The following LRRC8B variants were observed in gnomAD, a reference collection of about 807,000 sequenced individuals.
The protein encoded by LRRC8B is volume-regulated anion channel subunit LRRC8B.
Under a neutral mutation model 58.8 loss-of-function variants are expected in LRRC8B, and 23 were observed. The ratio of observed to expected loss-of-function variants is 0.39; its 90% CI spans 0.28 to 0.55. LRRC8B has a LOEUF of 0.55. LRRC8B is among the 20% of genes least tolerant of loss of function. The probability of loss-of-function intolerance (pLI) is 0.62; values close to 1 mark genes in which losing one functional copy is unlikely to be tolerated. For missense variants in LRRC8B, 694 were observed against 936.0 expected (o/e 0.74, Z 3.37); for synonymous variants, 359 against 374.1 (o/e 0.96, Z 0.47).
At chr1:89,545,836 G>A (rs1245583754) in intron 1 of LRRC8B, among the ~76,000 whole-genome samples, 1 of 152,212 alleles carries the variant, frequency 6.6e-6, no homozygotes, top group Non-Finnish European at 1.5e-5. Context: ...ATAAGATATG[G>A]AAAGTTGAAG....
At chr1:89,581,214 G>A (rs1654199851) in intron 4 of LRRC8B, among the ~76,000 whole-genome samples, 1 of 132,196 alleles carries the variant, frequency 7.6e-6, no homozygotes, top group Non-Finnish European at 1.6e-5. Flanking sequence ...CGGGAGGATT[G>A]TTTGGACCCA....
chr1:89,546,443 A>G (rs1039436672), intron 1 of LRRC8B, among the ~76,000 whole-genome samples: 2 of 152,204 alleles, frequency 1.3e-5, no homozygotes, highest in African/African-American at 2.4e-5. Flanking sequence ...CCAAGTTTCA[A>G]TGGTGGGATA....
intron 5 of LRRC8B, among the ~76,000 whole-genome samples, chr1:89,585,849 C>G (rs1243844734): frequency 6.6e-6 from 1 of 152,032 alleles, no homozygotes. Context: ...AATGTATTAT[C>G]TTTTAGACTT....
chr1:89,559,056 G>GAGGAAAC (rs1188654623), intron 1 of LRRC8B: 2 of 152,142 alleles, frequency 1.3e-5, no homozygotes, highest in Non-Finnish European at 2.9e-5. Flanking sequence ...CTAGGTGTGG[G>GAGGAAAC]AGGAAACGGT....
chr1:89,561,989 G>A (rs1055500007), intron 1 of LRRC8B, among the ~76,000 whole-genome samples: 2 of 152,126 alleles, frequency 1.3e-5, no homozygotes, highest in African/African-American at 4.8e-5. Flanking sequence ...GACTATGGAA[G>A]TAACAAGGCA....
intron 1 of LRRC8B, among the ~76,000 whole-genome samples, chr1:89,560,061 A>G (rs12136622): frequency 0.18 from 27,818 of 152,216 alleles, 3,281 homozygotes; most frequent in South Asian, 0.33. Flanking sequence ...TCTATCAATC[A>G]TTTGTTCTCT....
intron 1 of LRRC8B, among the ~76,000 whole-genome samples, chr1:89,555,239 C>T (rs1224594993): frequency 6.6e-6 from 1 of 152,186 alleles, no homozygotes; most frequent in African/African-American, 2.4e-5. Flanking sequence ...TCTATCACTT[C>T]AGAGTGCCCA....
intron 4 of LRRC8B, among the ~76,000 whole-genome samples, chr1:89,581,059 A>T (rs1479133066): frequency 6.6e-6 from 1 of 152,124 alleles, no homozygotes; most frequent in Non-Finnish European, 1.5e-5. Context: ...TGAGAGGCCA[A>T]GGTGGGCAGA....
intron 1 of LRRC8B, among the ~76,000 whole-genome samples, chr1:89,534,182 C>T (rs142513950): frequency 1.3e-5 from 2 of 152,120 alleles, no homozygotes; most frequent in African/African-American, 2.4e-5. Flanking sequence ...TTTTGAAAAA[C>T]GACTTGTTCT....
Position 89,596,583 on chromosome 1 carries a change from C to T in LRRC8B, c.*3540C>T, listed in dbSNP as rs1185656764. Reference sequence around the variant, plus strand: ...AATAATCAAACAATTATTCTGTGCCCTTAACATTATTTTCTTGTGTTTTCA... The same window carrying T: ...AATAATCAAACAATTATTCTGTGCCTTTAACATTATTTTCTTGTGTTTTCA... On this transcript the variant is annotated 3_prime_UTR_variant, in exon 6 of 6. Transcript: ENST00000330947. 1 of 152,028 alleles carries T rather than the reference C, an allele frequency of 6.6e-6. No individual in the cohort carries two copies. The highest frequency in any genetic ancestry group is 2.4e-5 in the African/African-American group (1 of 41,394). 9.4% of individuals were successfully genotyped at this position (152,028 alleles called of 1,614,324 possible). A position where few individuals can be genotyped will look rare whatever the true frequency, so the allele number is the denominator to read the frequency against.
At chr1:89,530,251 C>T (rs1457838966) in intron 1 of LRRC8B, among the ~76,000 whole-genome samples, 1 of 151,096 alleles carries the variant, frequency 6.6e-6, no homozygotes, top group Non-Finnish European at 1.5e-5. Context: ...CCCAGCTACT[C>T]GGGAGGCTGA....
At chr1:89,570,025 T>C (rs1653332545) in intron 3 of LRRC8B, among the ~76,000 whole-genome samples, 1 of 152,190 alleles carries the variant, frequency 6.6e-6, no homozygotes, top group Non-Finnish European at 1.5e-5. Flanking sequence ...TCTAGCTCCA[T>C]CCATGTCCCT....
chr1:89,561,798 G>A (rs1380757851), intron 1 of LRRC8B, among the ~76,000 whole-genome samples: 8 of 149,494 alleles, frequency 5.4e-5, no homozygotes, highest in African/African-American at 1.5e-4. Context: ...TAGCCTTGTA[G>A]TATAGTTTGA....
intron 1 of LRRC8B, among the ~76,000 whole-genome samples, chr1:89,542,921 C>G (rs993494331): frequency 1.3e-5 from 2 of 152,194 alleles, no homozygotes; most frequent in Non-Finnish European, 2.9e-5. Context: ...CCTATTAAGG[C>G]AAGCTCCACC....
Position 89,593,093 on chromosome 1 carries a change from G to A in LRRC8B, c.*50G>A, listed in dbSNP as rs761400250. ...CAAAATCATTTTTAAAAGTATGCTCGGCCGGGCGTGGTGGCTCATGCCTAT... is the reference window on the plus strand; with the variant it reads ...CAAAATCATTTTTAAAAGTATGCTCAGCCGGGCGTGGTGGCTCATGCCTAT... On this transcript the variant is annotated 3_prime_UTR_variant, in exon 6 of 6. Coordinates refer to ENST00000330947, the MANE Select transcript of LRRC8B (RefSeq NM_001369817.2). The A allele has an allele frequency of 5.7e-6, 9 of 1,573,790 alleles. No individual in the cohort carries two copies. Among genetic ancestry groups the A allele is most frequent in the African/African-American group, 2.7e-5 (2 of 74,016 alleles).
intron 1 of LRRC8B, among the ~76,000 whole-genome samples, chr1:89,542,319 A>G (rs1207309485): frequency 6.6e-6 from 1 of 152,218 alleles, no homozygotes; most frequent in Non-Finnish European, 1.5e-5. Context: ...GCCCCACAGC[A>G]TCTGAAGCAC....
At chr1:89,530,785 C>T (rs1001923879) in intron 1 of LRRC8B, among the ~76,000 whole-genome samples, 13 of 152,152 alleles carry the variant, frequency 8.5e-5, no homozygotes, top group African/African-American at 2.9e-4. Flanking sequence ...CCGGTCCCTC[C>T]GTACCTTTCC....
chr1:89,593,094 G>A lies in LRRC8B; in HGVS notation c.*51G>A, dbSNP rs767144878. 3 of 1,574,866 alleles carry A rather than the reference G, an allele frequency of 1.9e-6. No homozygotes were observed. In the South Asian group the frequency reaches 3.5e-5, roughly 18 times the overall value. On this transcript the variant is annotated 3_prime_UTR_variant, in exon 6 of 6. Transcript: ENST00000330947. ...AAAATCATTTTTAAAAGTATGCTCGGCCGGGCGTGGTGGCTCATGCCTATA... is the reference window on the plus strand; with the variant it reads ...AAAATCATTTTTAAAAGTATGCTCGACCGGGCGTGGTGGCTCATGCCTATA...
At chr1:89,565,149 G>A (rs2100984855) in intron 1 of LRRC8B, among the ~76,000 whole-genome samples, 1 of 152,192 alleles carries the variant, frequency 6.6e-6, no homozygotes, top group East Asian at 1.9e-4. Flanking sequence ...AAAGGTCTTT[G>A]CCCTCCAGAG....
Sources: gnomAD v4.1 joint callset for allele counts (sites outside exome capture counted in the v4.1 genomes callset) on GRCh38, gnomAD v4.1.1 for gene constraint, MANE v1.5 for transcripts, NCBI Gene and HGNC (gene_info 2026-07-23, HGNC 2026-07-21) for gene names.